Variants in CCDC102B observed in about 807,000 individuals in gnomAD.
The protein encoded by CCDC102B is coiled-coil domain-containing protein 102B.
In CCDC102B, 75 loss-of-function variants were observed where a neutral mutation model predicts 57.4. That is an observed-to-expected ratio of 1.31 (90% CI 1.08 to 1.58). The LOEUF (loss-of-function observed/expected upper bound fraction) is 1.58. CCDC102B is among the 40% of genes most tolerant of loss of function. The probability of loss-of-function intolerance (pLI) is 0.00; values close to 1 mark genes in which losing one functional copy is unlikely to be tolerated. For missense variants in CCDC102B, 636 were observed against 582.6 expected, an observed-to-expected ratio of 1.09 and a Z score of -0.94; for synonymous variants, 206 against 201.9, an observed-to-expected ratio of 1.02 and a Z score of -0.17.
At chr18:68,793,653 T>G (rs2035537917), upstream of CCDC102B, among the ~76,000 whole-genome samples, 1 of 152,140 alleles carries the variant, frequency 6.6e-6, no homozygotes, top group South Asian at 2.1e-4. Context: ...ACTGTTTCAT[T>G]AAATGATGAG....
chr18:68,797,251 G>A (rs1245108911), upstream of CCDC102B, among the ~76,000 whole-genome samples: 4 of 152,068 alleles, frequency 2.6e-5, no homozygotes, highest in African/African-American at 9.7e-5. Flanking sequence ...AGGGAAGGGT[G>A]AAAAATAAAA....
chr18:68,862,467 T>A (rs1200427796), intron 4 of CCDC102B, among the ~76,000 whole-genome samples: 1 of 152,166 alleles, frequency 6.6e-6, no homozygotes, highest in Non-Finnish European at 1.5e-5. Flanking sequence ...AGGGATGTAT[T>A]ACTTTTCATA....
chr18:68,739,020 G>A (rs1299044095), intron 2 of CCDC102B, among the ~76,000 whole-genome samples: 2 of 119,684 alleles, frequency 1.7e-5, no homozygotes, highest in African/African-American at 7.6e-5. Context: ...TTTAGACCAG[G>A]TCTTGCTGTC....
intron 6 of CCDC102B, among the ~76,000 whole-genome samples, chr18:68,916,275 T>A (rs2041071004): frequency 6.6e-6 from 1 of 152,122 alleles, no homozygotes; most frequent in South Asian, 2.1e-4. Flanking sequence ...TAACACCCAG[T>A]AGACTACCAC....
intron 1 of CCDC102B, among the ~76,000 whole-genome samples, chr18:68,803,402 A>G (rs1419907133): frequency 6.6e-6 from 1 of 152,196 alleles, no homozygotes; most frequent in Non-Finnish European, 1.5e-5. Flanking sequence ...GTACTGGAAG[A>G]AAAAAAGAAC....
At chr18:69,019,447 T>C (rs2051764416) in intron 7 of CCDC102B, among the ~76,000 whole-genome samples, 1 of 152,074 alleles carries the variant, frequency 6.6e-6, no homozygotes, top group Non-Finnish European at 1.5e-5. Context: ...TATTCCTAAG[T>C]ATTTTATTGT....
intron 5 of CCDC102B, among the ~76,000 whole-genome samples, chr18:68,878,243 C>T (rs138947995): frequency 0.012 from 1,782 of 152,170 alleles, 34 homozygotes; most frequent in East Asian, 0.078. Context: ...ACTACAGGTG[C>T]GCACCACTAT....
chr18:68,981,972 A>T (rs532855199), intron 6 of CCDC102B, among the ~76,000 whole-genome samples: 11 of 150,102 alleles, frequency 7.3e-5, no homozygotes, highest in East Asian at 1.9e-4. Context: ...AAGTATAATT[A>T]AAAAAATAAA....
In CCDC102B at chr18:68,848,983, T is replaced by C. The variant is rs534410685; in HGVS notation, c.936+2562T>C. On this transcript the variant is annotated intron_variant, in intron 4 of 7. Transcript: ENST00000360242. ...AGCATTTGCTTGGAATGTTCTAATA[T>C]ATTTTCTTAATAAGTCATCTTTTTG... Among the ~76,000 whole-genome samples the C allele has an allele frequency of 7.2e-5, 11 of 152,244 alleles. No individual in the cohort carries two copies. In the East Asian group the frequency reaches 1.9e-3, roughly 27 times the overall value.
At chr18:68,749,466 C>T (rs1398943557) in intron 2 of CCDC102B, among the ~76,000 whole-genome samples, 2 of 152,238 alleles carry the variant, frequency 1.3e-5, no homozygotes, top group African/African-American at 2.4e-5. Context: ...CAGTGGTTTG[C>T]AGTTCTCCTT....
At chr18:68,865,917 CACA>C (rs1351609240) in intron 4 of CCDC102B, among the ~76,000 whole-genome samples, 1 of 152,090 alleles carries the variant, frequency 6.6e-6, no homozygotes, top group Admixed American at 6.6e-5. Flanking sequence ...TTTAATAAAA[CACA>C]ACAACTCTAG....
chr18:68,962,568 A>G (rs553648160), intron 6 of CCDC102B, among the ~76,000 whole-genome samples: 6 of 152,158 alleles, frequency 3.9e-5, no homozygotes, highest in African/African-American at 1.4e-4. Context: ...ATGTTCAAAG[A>G]TTATATATTA....
intron 2 of CCDC102B, among the ~76,000 whole-genome samples, chr18:68,720,319 T>G (rs2032255709): frequency 6.6e-6 from 1 of 152,226 alleles, no homozygotes; most frequent in African/African-American, 2.4e-5. Flanking sequence ...AATTTTCAGG[T>G]GGTTTTTACT....
At chr18:68,766,677 C>T (rs1419551022) in intron 2 of CCDC102B, among the ~76,000 whole-genome samples, 1 of 152,142 alleles carries the variant, frequency 6.6e-6, no homozygotes, top group Non-Finnish European at 1.5e-5. Flanking sequence ...TGGCCCCTTT[C>T]TTTATCTTTT....
At chr18:68,837,801 A>G (rs2037449470) in intron 2 of CCDC102B, among the ~76,000 whole-genome samples, 1 of 152,166 alleles carries the variant, frequency 6.6e-6, no homozygotes, top group Non-Finnish European at 1.5e-5. Context: ...AGGAGACCTA[A>G]CAAGAAAGAT....
intron 1 of CCDC102B, among the ~76,000 whole-genome samples, chr18:68,812,944 A>C (rs2144716957): frequency 6.6e-6 from 1 of 152,190 alleles, no homozygotes; most frequent in East Asian, 1.9e-4. Context: ...AGAGGAGAGA[A>C]GGGAAGCTGA....
At chr18:68,936,861 T>C (rs545463195) in intron 6 of CCDC102B, among the ~76,000 whole-genome samples, 9 of 145,244 alleles carry the variant, frequency 6.2e-5, no homozygotes, top group Non-Finnish European at 1.3e-4. Flanking sequence ...TATACACATA[T>C]ACACACACAC....
intron 2 of CCDC102B, among the ~76,000 whole-genome samples, chr18:68,790,180 T>C (rs1007969940): frequency 1.3e-5 from 2 of 151,238 alleles, no homozygotes; most frequent in African/African-American, 4.9e-5. Context: ...GGAGGCAGTC[T>C]GCCCATTCTC....
intron 6 of CCDC102B, among the ~76,000 whole-genome samples, chr18:68,943,138 A>G (rs951730877): frequency 2.7e-5 from 4 of 149,776 alleles, no homozygotes; most frequent in Non-Finnish European, 5.9e-5. Context: ...ATCTCAAGGC[A>G]GAAGAATTTT....
Sources: allele counts gnomAD v4.1 joint callset (sites outside exome capture counted in the v4.1 genomes callset), GRCh38; gene constraint gnomAD v4.1.1; transcripts MANE v1.5; gene names NCBI Gene and HGNC (gene_info 2026-07-23, HGNC 2026-07-21).